The following ZBBX variants were observed in gnomAD, a reference collection of about 807,000 sequenced individuals.
The protein encoded by ZBBX is zinc finger B-box domain-containing protein 1.
ZBBX carries 101 observed loss-of-function variants against 108.5 expected under a neutral mutation model. The observed-to-expected ratio is 0.93, with a 90% confidence interval of 0.79 to 1.10. The LOEUF is 1.10. Ranked by LOEUF, ZBBX falls within the 50% of genes least tolerant of loss-of-function variation. ZBBX has a pLI of 0.00. For missense variants in ZBBX, 1,009 were observed against 941.4 expected (o/e 1.07, Z -0.94); for synonymous variants, 356 against 323.4 (o/e 1.10, Z -1.08).
chr3:167,211,548 T>C, the ZBBX span, among the ~76,000 whole-genome samples: 1 of 152,118 alleles, frequency 6.6e-6, no homozygotes, highest in Non-Finnish European at 1.5e-5. Context: ...CAGCTAGCAG[T>C]AGCGGCATTG....
At chr3:167,206,833 C>T in the ZBBX span, among the ~76,000 whole-genome samples, 1 of 151,914 alleles carries the variant, frequency 6.6e-6, no homozygotes, top group African/African-American at 2.4e-5. Flanking sequence ...ATGAATCCAA[C>T]CATATATAGT....
chr3:167,326,163 A>C (rs187883073), intron 11 of ZBBX, among the ~76,000 whole-genome samples: 75 of 152,348 alleles, frequency 4.9e-4, no homozygotes, highest in Non-Finnish European at 7.1e-4. Context: ...ATGTCTGATT[A>C]AATCATGCCA....
chr3:167,360,659 G>A lies in ZBBX; in HGVS notation c.322+16C>T. 2 of 1,315,324 alleles carry A rather than the reference G, an allele frequency of 1.5e-6. No homozygotes were observed. Among genetic ancestry groups the A allele is most frequent in the Non-Finnish European group, 2.0e-6 (2 of 1,000,834 alleles). The allele number at this position is 1,315,324 out of a possible 1,614,324, so 81.5% of individuals were successfully genotyped here. ...GATGTCTTTAGCATTTATTAACATG[G>A]TGATAAATTATTTACCTTGAATCTG... On this transcript the variant is annotated intron_variant, in intron 7 of 21. Coordinates refer to ENST00000675490, the MANE Select transcript of ZBBX (RefSeq NM_001199201.2).
At chr3:167,352,948 G>A (rs557966416) in intron 8 of ZBBX, among the ~76,000 whole-genome samples, 19 of 151,962 alleles carry the variant, frequency 1.3e-4, no homozygotes, top group African/African-American at 3.6e-4. Flanking sequence ...AACCCTCAAC[G>A]ACCTAGGCAC....
At chr3:167,264,348 G>A (rs1246736394) in intron 20 of ZBBX, among the ~76,000 whole-genome samples, 3 of 151,728 alleles carry the variant, frequency 2.0e-5, no homozygotes, top group East Asian at 1.9e-4. Flanking sequence ...TTTAATTTAC[G>A]CTTTTTATTT....
At chr3:167,269,946 CA>C (rs1726233422) in intron 20 of ZBBX, among the ~76,000 whole-genome samples, 1 of 152,192 alleles carries the variant, frequency 6.6e-6, no homozygotes, top group South Asian at 2.1e-4. Flanking sequence ...AGGGTAAAAA[CA>C]ACAGTATCAG....
Position 167,282,434 on chromosome 3 carries a change from G to A in ZBBX, c.2058C>T (p.Ser686=). Residue 686 remains serine, a synonymous_variant, in exon 20 of 22, where the codon AGC becomes AGT. Transcript: ENST00000675490. ...NFPLSNSVKE[S]SSCLSSSHPR... ...GATGAGAGGATGAAAGGCAACTGGA[G>A]CTTTCTTTAACAGAGTTGGAAAGTG... 4 of 1,614,000 alleles carry A rather than the reference G, an allele frequency of 2.5e-6. No individual in the cohort carries two copies. The highest frequency in any genetic ancestry group is 3.4e-6 in the Non-Finnish European group (4 of 1,179,898).
intron 2 of ZBBX, among the ~76,000 whole-genome samples, chr3:167,377,958 G>A (rs1439992371): frequency 6.6e-6 from 1 of 152,170 alleles, no homozygotes; most frequent in Non-Finnish European, 1.5e-5. Context: ...TTTCGTGATA[G>A]TAAGTTCTCA....
At chr3:167,192,369 A>G in the ZBBX span, among the ~76,000 whole-genome samples, 1 of 151,980 alleles carries the variant, frequency 6.6e-6, no homozygotes, top group African/African-American at 2.4e-5. Context: ...TCTCTTTTTC[A>G]TGTTTCAGTG....
intron 19 of ZBBX, among the ~76,000 whole-genome samples, chr3:167,284,970 A>T (rs4245912): frequency 0.43 from 63,375 of 148,942 alleles, 14,261 homozygotes; most frequent in East Asian, 0.72. Flanking sequence ...TATTTTTTTT[A>T]AAAAAAATCT....
rs1728948140 is a variant in ZBBX, at chr3:167,282,265, C to T, written c.2227G>A (p.Glu743Lys). The change falls in exon 20 of 22, where the codon GAA becomes AAA. Residue 743 changes from glutamate (E) to lysine (K), a missense_variant. By Grantham distance (56) the Glu-to-Lys change is moderately conservative. Transcript: ENST00000675490. ...DQHTLDNLEK[E>K]LQVLRSLADT... is the part of the protein sequence containing the mutation. ...GCAAGAGATCTCAGCACTTGTAATT[C>T]TTTTTCCAAATTGTCTAAAGTATGT... 11 of 1,611,702 alleles carry T rather than the reference C, an allele frequency of 6.8e-6. No individual in the cohort carries two copies. The highest frequency in any genetic ancestry group is 9.3e-6 in the Non-Finnish European group (11 of 1,179,116).
At chr3:167,348,373 A>AAGAAAAG (rs1553833149) in intron 9 of ZBBX, among the ~76,000 whole-genome samples, 108 of 139,594 alleles carry the variant, frequency 7.7e-4, no homozygotes, top group Non-Finnish European at 1.4e-3. Context: ...AGAAAGAAAA[A>AAGAAAAG]AAAGAAAAGA....
intron 10 of ZBBX, chr3:167,331,672 A>G: frequency 1.0e-6 from 1 of 968,268 alleles, no homozygotes; most frequent in Non-Finnish European, 1.2e-6. Flanking sequence ...TCAGAGTCCA[A>G]TATGACCTTG....
At chr3:167,365,741 T>C in intron 6 of ZBBX, 145 bp downstream of exon 6, 1 of 474,844 alleles carries the variant, frequency 2.1e-6, no homozygotes, top group South Asian at 6.3e-5. Context: ...CATATTACCC[T>C]GCAAAATAAA....
intron 11 of ZBBX, among the ~76,000 whole-genome samples, chr3:167,325,516 C>A (rs1290588111): frequency 1.3e-5 from 2 of 152,156 alleles, no homozygotes; most frequent in African/African-American, 4.8e-5. Context: ...ATGGGAGCTA[C>A]AATTCAAGAT....
intron 10 of ZBBX, among the ~76,000 whole-genome samples, chr3:167,330,866 AGG>A (rs1560136155): frequency 1.3e-4 from 11 of 84,720 alleles, no homozygotes; most frequent in African/African-American, 5.5e-4. Context: ...GAGGAGGAGG[AGG>A]AGGAGAAGAA....
chr3:167,325,742 G>T (rs1737264937), intron 11 of ZBBX, among the ~76,000 whole-genome samples: 1 of 152,016 alleles, frequency 6.6e-6, no homozygotes, highest in Non-Finnish European at 1.5e-5. Context: ...GAGTAATGTT[G>T]TATACCTCTA....
intron 14 of ZBBX, 44 bp downstream of exon 14, chr3:167,316,961 C>A: frequency 1.7e-6 from 2 of 1,156,404 alleles, no homozygotes; most frequent in Non-Finnish European, 2.5e-6. Context: ...TTATGAATTC[C>A]CTGTTAAAAA....
chr3:167,358,777 A>G (rs1744019175), intron 8 of ZBBX, among the ~76,000 whole-genome samples: 1 of 151,920 alleles, frequency 6.6e-6, no homozygotes, highest in Admixed American at 6.6e-5. Context: ...TCTACTAAAA[A>G]TACAAAAAAT....
Sources: allele counts gnomAD v4.1 joint callset (sites outside exome capture counted in the v4.1 genomes callset), GRCh38; gene constraint gnomAD v4.1.1; transcripts MANE v1.5; gene names NCBI Gene and HGNC (gene_info 2026-07-23, HGNC 2026-07-21).